The following MYRIP variants were observed in gnomAD, a reference collection of about 807,000 sequenced individuals.
MYRIP encodes the protein rab effector MyRIP.
Under a neutral mutation model 98.0 loss-of-function variants are expected in MYRIP, and 49 were observed. The ratio of observed to expected loss-of-function variants is 0.50; its 90% CI spans 0.40 to 0.63. The LOEUF is 0.63. MYRIP is among the 30% of genes least tolerant of loss of function. The pLI is 0.00. For missense variants in MYRIP, 1,004 were observed against 1,058.2 expected, an observed-to-expected ratio of 0.95 and a Z score of 0.71; for synonymous variants, 404 against 409.5, an observed-to-expected ratio of 0.99 and a Z score of 0.16.
rs144180437 is a variant in MYRIP at position 40,038,084 on chromosome 3, A to G, written c.111-5966A>G. On this transcript the variant is annotated intron_variant, in intron 2 of 16. Coordinates refer to ENST00000302541, the MANE Select transcript of MYRIP (RefSeq NM_015460.4). ...ACTATGAAGCTATAATGAAAGTCTC[A>G]ATGAATACCAAGGAATTTATTTGAG... Among the ~76,000 whole-genome samples the G allele has an allele frequency of 1.3e-3, 195 of 152,136 alleles. 1 individual carries two copies. Among genetic ancestry groups the G allele is most frequent in the African/African-American group, 4.4e-3 (181 of 41,538 alleles).
At chr3:40,167,918 C>T (rs1042694278) in intron 7 of MYRIP, among the ~76,000 whole-genome samples, 4 of 152,216 alleles carry the variant, frequency 2.6e-5, no homozygotes, top group Admixed American at 2.6e-4. Context: ...TCTCTGTGAA[C>T]ATCACTCCCC....
At chr3:39,882,222 G>A (rs1224047489) in intron 1 of MYRIP, among the ~76,000 whole-genome samples, 2 of 152,050 alleles carry the variant, frequency 1.3e-5, no homozygotes, top group Non-Finnish European at 2.9e-5. Context: ...AAAGGTGGAA[G>A]TGGTTGGTGT....
chr3:39,892,881 C>T (rs1039598653), intron 1 of MYRIP, among the ~76,000 whole-genome samples: 5 of 152,170 alleles, frequency 3.3e-5, no homozygotes, highest in African/African-American at 1.2e-4. Context: ...CATAATGTCT[C>T]ATGGGTGCTC....
chr3:40,084,326 TAG>T lies in MYRIP; in HGVS notation c.332+40057_332+40058del, dbSNP rs1491032444. 1.9e-3 allele frequency among the ~76,000 whole-genome samples: 145 copies of T among 75,786 alleles called. 1 individual carries two copies. The highest frequency in any genetic ancestry group is 4.5e-3 in the African/African-American group (78 of 17,174). The allele number at this position is 75,786 out of a possible 152,430, so 49.7% of individuals were successfully genotyped here. A position where few individuals can be genotyped will look rare whatever the true frequency, so the allele number is the denominator to read the frequency against. ...TACACATCTATGTATTATATATCGA[TAG>T]ATAATACACATCTATGTATTATATA... On this transcript the variant is annotated intron_variant, in intron 3 of 16. Transcript: ENST00000302541.
chr3:40,097,960 A>G (rs767751660), intron 3 of MYRIP, among the ~76,000 whole-genome samples: 1 of 152,182 alleles, frequency 6.6e-6, no homozygotes, highest in Non-Finnish European at 1.5e-5. Flanking sequence ...GGTGTTCCTC[A>G]TCTGCTCTTC....
At chr3:40,232,654 T>C (rs1249531486) in intron 11 of MYRIP, among the ~76,000 whole-genome samples, 3 of 152,228 alleles carry the variant, frequency 2.0e-5, no homozygotes, top group Non-Finnish European at 4.4e-5. Flanking sequence ...ATGGAAACCA[T>C]GACTGCCAAG....
chr3:40,062,423 T>A (rs979115363), intron 3 of MYRIP, among the ~76,000 whole-genome samples: 40 of 152,294 alleles, frequency 2.6e-4, no homozygotes, highest in African/African-American at 9.4e-4. Flanking sequence ...CAGCCTTAGT[T>A]CTGAAAGCCC....
chr3:40,008,624 C>G (rs959145906), intron 2 of MYRIP, among the ~76,000 whole-genome samples: 1 of 152,022 alleles, frequency 6.6e-6, no homozygotes, highest in African/African-American at 2.4e-5. Context: ...AAGACACAGC[C>G]GAGGGAGAAC....
At position 40,166,968 on chromosome 3, in the gene MYRIP, G is replaced by GT. The variant is rs754226415; in HGVS notation, c.648+26dup. 1.3e-5 allele frequency: 20 copies of GT among 1,566,808 alleles called. No individual in the cohort carries two copies. In the Admixed American group the frequency reaches 3.2e-4, roughly 25 times the overall value. On this transcript the variant is annotated intron_variant, in intron 6 of 16. Coordinates refer to ENST00000302541, the MANE Select transcript of MYRIP (RefSeq NM_015460.4). ...GGTAGGGCCCCTCCTGCTCCTCTCTGTGGGGGGAGGTGTGGGTTGGGGTCC... is the reference window on the plus strand; with the variant it reads ...GGTAGGGCCCCTCCTGCTCCTCTCTGTTGGGGGGAGGTGTGGGTTGGGGTCC...
At chr3:39,950,848 A>G (rs1382159038) in intron 2 of MYRIP, among the ~76,000 whole-genome samples, 1 of 152,202 alleles carries the variant, frequency 6.6e-6, no homozygotes, top group African/African-American at 2.4e-5. Flanking sequence ...GTACTGGGCT[A>G]CATGATCTAG....
intron 3 of MYRIP, among the ~76,000 whole-genome samples, chr3:40,083,407 G>T (rs1948524302): frequency 6.6e-6 from 1 of 152,136 alleles, no homozygotes; most frequent in Non-Finnish European, 1.5e-5. Flanking sequence ...GGCTAAGATT[G>T]CTTTCTTCCT....
intron 2 of MYRIP, among the ~76,000 whole-genome samples, chr3:39,942,769 G>C (rs185155228): frequency 1.3e-5 from 2 of 152,120 alleles, no homozygotes; most frequent in Admixed American, 1.3e-4. Context: ...CTGTCTACCT[G>C]TATATTTGTA....
At chr3:39,879,334 G>C (rs969247922) in intron 1 of MYRIP, among the ~76,000 whole-genome samples, 1 of 150,814 alleles carries the variant, frequency 6.6e-6, no homozygotes, top group African/African-American at 2.4e-5. Flanking sequence ...CCAACATCTG[G>C]GTTATCTCAG....
chr3:39,958,789 G>A (rs1285709936), intron 2 of MYRIP, among the ~76,000 whole-genome samples: 1 of 152,088 alleles, frequency 6.6e-6, no homozygotes, highest in Non-Finnish European at 1.5e-5. Flanking sequence ...ATCTGACAAA[G>A]GGCTAATATC....
intron 2 of MYRIP, among the ~76,000 whole-genome samples, chr3:39,951,037 G>A (rs376662452): frequency 2.6e-4 from 40 of 152,134 alleles, no homozygotes; most frequent in African/African-American, 8.7e-4. Context: ...TGGAAACTCT[G>A]ACTGAGAAAC....
At chr3:39,988,782 C>G (rs1000988321) in intron 2 of MYRIP, among the ~76,000 whole-genome samples, 2 of 151,212 alleles carry the variant, frequency 1.3e-5, no homozygotes, top group African/African-American at 4.9e-5. Context: ...TGCTGATATC[C>G]TTTCTTCTGC....
chr3:39,982,972 T>G (rs1486158887), intron 2 of MYRIP, among the ~76,000 whole-genome samples: 1 of 152,218 alleles, frequency 6.6e-6, no homozygotes, highest in Non-Finnish European at 1.5e-5. Flanking sequence ...AAGAAAAGAA[T>G]TTATTGTGAT....
At chr3:39,927,236 A>G (rs1333549187) in intron 2 of MYRIP, among the ~76,000 whole-genome samples, 1 of 152,018 alleles carries the variant, frequency 6.6e-6, no homozygotes, top group Admixed American at 6.6e-5. Flanking sequence ...CGGATATTTT[A>G]GGATTTTTTT....
chr3:40,215,562 C>G (rs944110558), intron 11 of MYRIP, among the ~76,000 whole-genome samples: 8 of 151,928 alleles, frequency 5.3e-5, no homozygotes, highest in African/African-American at 1.9e-4. Flanking sequence ...CTGAGAAAAC[C>G]CAGAGACTCT....
Sources: gnomAD v4.1 joint callset for allele counts (sites outside exome capture counted in the v4.1 genomes callset) on GRCh38, gnomAD v4.1.1 for gene constraint, MANE v1.5 for transcripts, NCBI Gene and HGNC (gene_info 2026-07-23, HGNC 2026-07-21) for gene names.